The following CD226 variants were observed in gnomAD, a reference collection of about 807,000 sequenced individuals.
CD226 encodes CD226 antigen.
In CD226, 24 loss-of-function variants were observed where a neutral mutation model predicts 34.9. That is an observed-to-expected ratio of 0.69 (90% confidence interval 0.50 to 0.97). The LOEUF (loss-of-function observed/expected upper bound fraction) is 0.97, where lower values mean the gene tolerates loss of function less well. Among genes scored for constraint, CD226 ranks in the 50% least tolerant of loss-of-function variants. The pLI is 0.00. For synonymous variants in CD226, 148 were observed against 147.4 expected (o/e 1.00, Z -0.03); for missense variants, 397 against 412.7 (o/e 0.96, Z 0.33).
In CD226 at chr18:69,863,837, G is replaced by C. The variant is rs1184789982; in HGVS notation, c.*477C>G. On this transcript the variant is annotated 3_prime_UTR_variant, in exon 6 of 6. Transcript: ENST00000582621. ...AATGAAAAAATAATCAAATTTGTTT[G>C]CTCCATTTGAGAAGCAAACTCTCTA... The C allele has an allele frequency of 2.0e-5, 3 of 152,704 alleles. No individual in the cohort carries two copies. The highest frequency in any genetic ancestry group is 4.4e-5 in the Non-Finnish European group (3 of 68,498). 9.5% of individuals were successfully genotyped at this position (152,704 alleles called of 1,614,324 possible).
In CD226 at chr18:69,862,617, GA is replaced by G. The variant is rs1358617225; in HGVS notation, c.*1696del. 1 of 151,066 alleles carries G rather than the reference GA, an allele frequency of 6.6e-6. No homozygotes were observed. The highest frequency in any genetic ancestry group is 2.4e-5 in the African/African-American group (1 of 41,200). 9.4% of individuals were successfully genotyped at this position (151,066 alleles called of 1,614,324 possible). On this transcript the variant is annotated 3_prime_UTR_variant, in exon 6 of 6. Transcript: ENST00000582621. ...TTTTCACTCCTGAAAAGGGTTAAAA[GA>G]AACTCACAAATTTTATAATTCACAG...
At chr18:69,900,145 C>A (rs1985517884) in intron 2 of CD226, among the ~76,000 whole-genome samples, 1 of 152,184 alleles carries the variant, frequency 6.6e-6, no homozygotes, top group African/African-American at 2.4e-5. Context: ...ATGGATGCAG[C>A]TGGAGGCTAT....
chr18:69,917,523 T>C (rs1239873804), intron 2 of CD226, among the ~76,000 whole-genome samples: 4 of 152,242 alleles, frequency 2.6e-5, no homozygotes, highest in Non-Finnish European at 5.9e-5. Flanking sequence ...TTAGCCTATA[T>C]GCACCTCTTC....
intron 2 of CD226, among the ~76,000 whole-genome samples, chr18:69,902,450 C>G (rs1264316005): frequency 6.6e-6 from 1 of 151,968 alleles, no homozygotes; most frequent in Non-Finnish European, 1.5e-5. Flanking sequence ...GTCCAGCCCT[C>G]CTGGAAATAC....
At chr18:69,954,774 G>A (rs779644326) in intron 1 of CD226, among the ~76,000 whole-genome samples, 16 of 152,068 alleles carry the variant, frequency 1.1e-4, no homozygotes, top group African/African-American at 1.7e-4. Context: ...TCACAGATTC[G>A]AATGAAAGGG....
intron 1 of CD226, among the ~76,000 whole-genome samples, chr18:69,954,466 T>C (rs1437071561): frequency 6.6e-6 from 1 of 152,026 alleles, no homozygotes; most frequent in Admixed American, 6.6e-5. Context: ...GAGGTGCAGG[T>C]AGAGAGGTAG....
intron 2 of CD226, among the ~76,000 whole-genome samples, chr18:69,927,785 G>A (rs944710280): frequency 3.9e-5 from 6 of 151,930 alleles, no homozygotes; most frequent in African/African-American, 7.3e-5. Context: ...ATACATATAC[G>A]CATAATAGAT....
intron 2 of CD226, among the ~76,000 whole-genome samples, chr18:69,940,741 T>A (rs1054526385): frequency 6.6e-6 from 1 of 152,182 alleles, no homozygotes; most frequent in African/African-American, 2.4e-5. Context: ...TGCAGCCTGA[T>A]GATGCGACAG....
chr18:69,909,443 A>G (rs1166093283), intron 2 of CD226, among the ~76,000 whole-genome samples: 2 of 152,162 alleles, frequency 1.3e-5, no homozygotes, highest in African/African-American at 2.4e-5. Context: ...CCAACTCTCC[A>G]AAGAGCTCCA....
chr18:69,878,481 G>A (rs1015357232), intron 3 of CD226, among the ~76,000 whole-genome samples: 1 of 151,732 alleles, frequency 6.6e-6, no homozygotes, highest in Non-Finnish European at 1.5e-5. Context: ...TTCCCTCAGA[G>A]TTCGGCAGGC....
At chr18:69,946,667 GC>G in intron 2 of CD226, 66 bp downstream of exon 2, 1 of 1,051,840 alleles carries the variant, frequency 9.5e-7, no homozygotes, top group African/African-American at 1.6e-5. Context: ...TTCTACTTGG[GC>G]TTTATAGAAA....
Position 69,895,991 on chromosome 18 carries a change from T to G in CD226, c.437A>C (p.Lys146Thr). The G allele has an allele frequency of 1.2e-6, 2 of 1,613,770 alleles. No individual in the cohort carries two copies. Among genetic ancestry groups the G allele is most frequent in the Non-Finnish European group, 1.7e-6 (2 of 1,180,006 alleles). The change falls in exon 3 of 6, where the codon AAG becomes ACG. Residue 146 changes from lysine (K) to threonine (T), a missense_variant. Transcript: ENST00000582621. Reference sequence around the variant, plus strand: ...AGGCTGACAAGTGAGTGTGACATTCTTTCCAGGTTCCGAAACAATGTGGCT... The same window carrying G: ...AGGCTGACAAGTGAGTGTGACATTCGTTCCAGGTTCCGAAACAATGTGGCT... Reference protein sequence around the residue: ...SNSHIVSEPGKNVTLTCQPQM... With the variant: ...SNSHIVSEPGTNVTLTCQPQM...
intron 3 of CD226, among the ~76,000 whole-genome samples, chr18:69,875,165 T>C (rs984970781): frequency 1.3e-5 from 2 of 152,076 alleles, no homozygotes; most frequent in African/African-American, 4.8e-5. Context: ...TGGGACAGAG[T>C]TTCACTCTTG....
chr18:69,943,587 G>A (rs984313905), intron 2 of CD226, among the ~76,000 whole-genome samples: 8 of 152,170 alleles, frequency 5.3e-5, no homozygotes, highest in African/African-American at 1.9e-4. Context: ...GCTGGAGAGG[G>A]GTAGCATTGA....
intron 2 of CD226, among the ~76,000 whole-genome samples, chr18:69,929,052 G>A (rs942177964): frequency 2.0e-5 from 3 of 152,158 alleles, no homozygotes; most frequent in Non-Finnish European, 4.4e-5. Context: ...GGAAGATCAT[G>A]GAAATGACCA....
intron 2 of CD226, among the ~76,000 whole-genome samples, chr18:69,905,061 G>A (rs2055235120): frequency 6.6e-6 from 1 of 152,184 alleles, no homozygotes; most frequent in Non-Finnish European, 1.5e-5. Flanking sequence ...CATTACCTAA[G>A]CTAGTGCATT....
intron 2 of CD226, among the ~76,000 whole-genome samples, chr18:69,905,747 A>G (rs1310932117): frequency 1.3e-5 from 2 of 152,198 alleles, no homozygotes; most frequent in Non-Finnish European, 2.9e-5. Flanking sequence ...AAAAGACGAT[A>G]AGTCCTCCAA....
chr18:69,855,585 C>T lies in CD226; in HGVS notation c.*8729G>A, dbSNP rs34875178. 0.49 allele frequency: 74,629 copies of T among 151,858 alleles called. 18,729 individuals carry two copies. Among genetic ancestry groups the T allele is most frequent in the Middle Eastern group, 0.63 (185 of 292 alleles). 9.4% of individuals were successfully genotyped at this position (151,858 alleles called of 1,614,324 possible). ...GGAACTTGCCAAAATTAGTGATAGA[C>T]ACCAACTCAGGTAGCTCAGATAACA... is the stretch of plus-strand genomic sequence containing the variant. On this transcript the variant is annotated 3_prime_UTR_variant, in exon 6 of 6. Coordinates refer to ENST00000582621, the MANE Select transcript of CD226 (RefSeq NM_001303618.2).
chr18:69,888,553 T>C (rs1984701551), intron 3 of CD226, among the ~76,000 whole-genome samples: 1 of 151,618 alleles, frequency 6.6e-6, no homozygotes, highest in Non-Finnish European at 1.5e-5. Context: ...CAAAGCACCA[T>C]GTGTGAATTT....
Sources: allele counts gnomAD v4.1 joint callset (sites outside exome capture counted in the v4.1 genomes callset), GRCh38; gene constraint gnomAD v4.1.1; transcripts MANE v1.5; gene names NCBI Gene and HGNC (gene_info 2026-07-23, HGNC 2026-07-21).